The following NCAPG2 variants were observed in gnomAD, a reference collection of about 807,000 sequenced individuals.
The protein encoded by NCAPG2 is non-SMC condensin II complex subunit G2.
In NCAPG2, 53 loss-of-function variants were observed where a neutral mutation model predicts 141.1. The observed-to-expected ratio is 0.38, with a 90% CI of 0.30 to 0.47. The LOEUF is 0.47. Among genes scored for constraint, NCAPG2 ranks in the 20% least tolerant of loss-of-function variants. The pLI is 0.99. For missense variants in NCAPG2, 1,087 were observed against 1,389.0 expected, an observed-to-expected ratio of 0.78 and a Z score of 3.46; for synonymous variants, 499 against 490.7, an observed-to-expected ratio of 1.02 and a Z score of -0.22.
At chr7:158,664,484 G>T (rs765420592) in intron 14 of NCAPG2, 44 bp downstream of exon 14, 39 of 1,584,318 alleles carry the variant, frequency 2.5e-5, no homozygotes, top group Non-Finnish European at 3.4e-5. Flanking sequence ...TTATGCTTTT[G>T]GGGGAAAACA....
At chr7:158,670,188 T>A (rs759756158) in intron 13 of NCAPG2, among the ~76,000 whole-genome samples, 2 of 152,192 alleles carry the variant, frequency 1.3e-5, no homozygotes, top group African/African-American at 4.8e-5. Flanking sequence ...ACTCAAAATA[T>A]CCTTTGTTTT....
chr7:158,656,807 TA>T, intron 17 of NCAPG2, 102 bp from the exon 18 acceptor site: 1 of 1,340,404 alleles, frequency 7.5e-7, no homozygotes, highest in Non-Finnish European at 1.0e-6. Flanking sequence ...TGACGGTGCA[TA>T]AGCCCTTGTT....
In NCAPG2 at chr7:158,633,279, G is replaced by A. The variant is rs1192105956; in HGVS notation, c.3381-1562C>T. 9.1e-6 allele frequency among the ~76,000 whole-genome samples: 1 copy of A among 109,636 alleles called. No individual in the cohort carries two copies. The highest frequency in any genetic ancestry group is 1.8e-5 in the Non-Finnish European group (1 of 54,930). The allele number at this position is 109,636 out of a possible 152,430, so 71.9% of individuals were successfully genotyped here. A position where few individuals can be genotyped will look rare whatever the true frequency, so the allele number is the denominator to read the frequency against. ...ATGTTCTGAGACATCTCTCCAAATT[G>A]ACCTTTCTGGAATTTGACTATCACA... On this transcript the variant is annotated intron_variant, in intron 27 of 27. Transcript: ENST00000356309. This position sits in a 1 kb window ranked among gnomAD's most constrained non-coding sequence, Gnocchi z 4.1.
chr7:158,704,304 C>T (rs1358672893), intron 1 of NCAPG2, among the ~76,000 whole-genome samples: 2 of 148,054 alleles, frequency 1.4e-5, no homozygotes, highest in Admixed American at 1.3e-4. Flanking sequence ...GAGGGTAGTG[C>T]CCATGCCCAG....
intron 6 of NCAPG2, among the ~76,000 whole-genome samples, chr7:158,689,194 TTAATA>T (rs1391833827): frequency 2.0e-5 from 3 of 152,220 alleles, no homozygotes; most frequent in Non-Finnish European, 4.4e-5. Context: ...AAAGCAATAT[TTAATA>T]TAACAGACAA....
Position 158,690,703 on chromosome 7 carries a change from A to T in NCAPG2, c.402T>A (p.Pro134=). The change falls in exon 5 of 28, where the codon CCT becomes CCA. Residue 134 remains proline (P), a synonymous_variant. Coordinates refer to ENST00000356309, the MANE Select transcript of NCAPG2 (RefSeq NM_017760.7). ...IILNGILYAL[P]ESERKLQSSI... is the part of the protein sequence containing the mutation. ...AACTCTGTAGTTTTCGTTCAGACTC[A>T]GGTAATGCATATAAAATACCTAAAA... 1 of 1,613,900 alleles carries T rather than the reference A, an allele frequency of 6.2e-7. No homozygotes were observed.
chr7:158,683,509 A>C (rs1305812267), intron 8 of NCAPG2, 123 bp from the exon 9 acceptor site: 5 of 525,004 alleles, frequency 9.5e-6, no homozygotes, highest in African/African-American at 2.0e-5. Flanking sequence ...ATGAGAAAAA[A>C]ACCTGGACCC....
intron 13 of NCAPG2, chr7:158,667,347 T>TCCCG (rs1833098023): frequency 7.5e-6 from 1 of 133,138 alleles, no homozygotes; most frequent in Non-Finnish European, 8.9e-6. Context: ...GTCCCTCCGC[T>TCCCG]CCTTAGCCAC....
intron 23 of NCAPG2, among the ~76,000 whole-genome samples, chr7:158,651,607 C>G (rs1456037839): frequency 1.3e-5 from 2 of 152,180 alleles, no homozygotes; most frequent in African/African-American, 2.4e-5. Flanking sequence ...AGTAATGGCT[C>G]TCTCTGATAA....
rs181803832 is a variant in NCAPG2, at chr7:158,685,087, T to A, written c.837+1085A>T. ...TTTCTGACCTAGAGTAAAAATTTTA[T>A]TCTCAGAGAAAAATAAAATGATTGA... On this transcript the variant is annotated intron_variant, in intron 8 of 27. Coordinates refer to ENST00000356309, the MANE Select transcript of NCAPG2 (RefSeq NM_017760.7). Among the ~76,000 whole-genome samples the A allele has an allele frequency of 9.0e-4, 137 of 152,330 alleles. 1 individual carries two copies. The highest frequency in any genetic ancestry group is 1.4e-3 in the Non-Finnish European group (92 of 68,020).
chr7:158,675,597 T>C lies in NCAPG2; in HGVS notation c.1206A>G (p.Lys402=). 6.2e-7 allele frequency: 1 copy of C among 1,613,806 alleles called. No individual in the cohort carries two copies. The highest frequency in any genetic ancestry group is 8.5e-7 in the Non-Finnish European group (1 of 1,179,954). ...TCATTTCCCAGTACTTAGAAGTTAT[T>C]TTACAAACACCAAGGATCCCTGTGG... ...VRSTGILGVC[K]ITSKYWEMMP... The change falls in exon 12 of 28, where the codon AAA becomes AAG. Residue 402 remains lysine, a synonymous_variant. Coordinates refer to ENST00000356309, the MANE Select transcript of NCAPG2 (RefSeq NM_017760.7).
At chr7:158,652,133 A>T (rs1329882453) in intron 23 of NCAPG2, among the ~76,000 whole-genome samples, 160 bp downstream of exon 23, 2 of 151,722 alleles carry the variant, frequency 1.3e-5, no homozygotes, top group East Asian at 3.9e-4. Context: ...TCCCACACGG[A>T]CTCCATCTCT....
intron 10 of NCAPG2, 49 bp from the exon 11 acceptor site, chr7:158,680,134 C>T (rs376402922): frequency 8.2e-5 from 129 of 1,582,770 alleles, no homozygotes; most frequent in Middle Eastern, 1.7e-4. Context: ...AGTTAACATA[C>T]GAAGGCTTAA....
At chr7:158,702,006 A>G in intron 1 of NCAPG2, 68 bp from the exon 2 acceptor site, 1 of 1,006,196 alleles carries the variant, frequency 9.9e-7, no homozygotes, top group East Asian at 2.7e-5. Context: ...TTAATTTGAT[A>G]TTAACATCCA....
chr7:158,647,008 G>A (rs1466724165), intron 24 of NCAPG2, among the ~76,000 whole-genome samples: 1 of 149,858 alleles, frequency 6.7e-6, no homozygotes, highest in Non-Finnish European at 1.5e-5. Context: ...CTGGGTGACA[G>A]AGCGACATCC....
In NCAPG2 at chr7:158,648,837, T is replaced by C. The variant is rs201926066; in HGVS notation, c.3075+1995A>G. 7.3e-3 allele frequency among the ~76,000 whole-genome samples: 1,043 copies of C among 142,310 alleles called. 20 individuals carry two copies. Among genetic ancestry groups the C allele is most frequent in the East Asian group, 0.012 (62 of 4,996 alleles). 93.4% of individuals were successfully genotyped at this position (142,310 alleles called of 152,430 possible). A position where few individuals can be genotyped will look rare whatever the true frequency, so the allele number is the denominator to read the frequency against. ...TGGACCACAACCACGCCAAATGGAC[T>C]ACAACCACGGCAAATGGACTACAAC... On this transcript the variant is annotated intron_variant, in intron 24 of 27. Transcript: ENST00000356309.
rs1019234385 is a variant in NCAPG2, at chr7:158,645,433, T to G, written c.3280+86A>C. On this transcript the variant is annotated intron_variant, in intron 26 of 27. Transcript: ENST00000356309. Reference sequence around the variant, plus strand: ...CCTGAGCTGGCCAGGAGTAGCCAAGTGCAGGGGCTGATCCCCGGAATCCCA... The same window carrying G: ...CCTGAGCTGGCCAGGAGTAGCCAAGGGCAGGGGCTGATCCCCGGAATCCCA... The G allele has an allele frequency of 5.0e-6, 6 of 1,200,630 alleles. No homozygotes were observed. The Admixed American group carries it at 5.2e-5, about 10-fold the overall frequency. 74.4% of individuals were successfully genotyped at this position (1,200,630 alleles called of 1,614,324 possible).
chr7:158,691,170 A>G (rs1446631290), intron 4 of NCAPG2, among the ~76,000 whole-genome samples: 9 of 152,238 alleles, frequency 5.9e-5, no homozygotes. Context: ...AGTCAAAGCA[A>G]TTACCATAAT....
At chr7:158,646,414 T>TTTGATGCC (rs771153035) in intron 25 of NCAPG2, 46 bp downstream of exon 25, 2 of 1,437,064 alleles carry the variant, frequency 1.4e-6, no homozygotes, top group South Asian at 2.4e-5. Context: ...GCTGAGCGCT[T>TTTGATGCC]ACAGCCACGA....
Sources: allele counts gnomAD v4.1 joint callset (sites outside exome capture counted in the v4.1 genomes callset), GRCh38; gene constraint gnomAD v4.1.1; non-coding constraint Gnocchi (gnomAD v3.1); transcripts MANE v1.5; gene names NCBI Gene and HGNC (gene_info 2026-07-23, HGNC 2026-07-21).